The following TYR variants were observed in gnomAD, a reference collection of about 807,000 sequenced individuals.
TYR encodes the protein LB24-AB.
TYR carries 58 observed loss-of-function variants against 51.5 expected under a neutral mutation model. The observed-to-expected ratio is 1.13, with a 90% CI of 0.91 to 1.40. TYR has a LOEUF of 1.40. Ranked by LOEUF, TYR falls within the 40% of genes most tolerant of loss-of-function variation. The pLI, the probability that TYR is intolerant of heterozygous loss-of-function variation, is 0.00. For missense variants in TYR, 732 were observed against 647.4 expected, an observed-to-expected ratio of 1.13 and a Z score of -1.42; for synonymous variants, 263 against 235.2, an observed-to-expected ratio of 1.12 and a Z score of -1.08.
Position 89,295,176 on chromosome 11 carries a change from A to G in TYR, c.1400A>G (p.Tyr467Cys), listed in dbSNP as rs531818861. ...TCTTTTCAAGACTACATTAAGTCCT[A>G]TTTGGAACAAGCGAGTCGGATCTGG... ...PDSFQDYIKS[Y>C]LEQASRIWSW... Residue 467 changes from tyrosine to cysteine, a missense_variant, in exon 5 of 5, where the codon TAT (tyrosine) becomes TGT (cysteine). By Grantham distance (194) the Tyr-to-Cys change is radical. Transcript: ENST00000263321. 30 of 1,613,994 alleles carry G rather than the reference A, an allele frequency of 1.9e-5. No individual in the cohort carries two copies. The Admixed American group carries it at 4.3e-4, about 23-fold the overall frequency.
At chr11:89,281,577 C>T (rs138449499) in intron 3 of TYR, among the ~76,000 whole-genome samples, 3,602 of 151,832 alleles carry the variant, frequency 0.024, 140 homozygotes, top group African/African-American at 0.083. Context: ...CTGCTCCTGC[C>T]CCTGGTAAGC....
chr11:89,262,036 T>G (rs1396105885), intron 3 of TYR, among the ~76,000 whole-genome samples: 2 of 152,074 alleles, frequency 1.3e-5, no homozygotes, highest in Non-Finnish European at 2.9e-5. Flanking sequence ...CCATGGAGAA[T>G]AGCAAAAGTG....
intron 2 of TYR, among the ~76,000 whole-genome samples, chr11:89,202,023 G>A (rs1943604152): frequency 1.3e-5 from 2 of 152,006 alleles, no homozygotes; most frequent in Non-Finnish European, 2.9e-5. Flanking sequence ...TGGTTCAGTA[G>A]GTCTGGCAGT....
At chr11:89,251,438 T>C (rs1944329654) in intron 3 of TYR, among the ~76,000 whole-genome samples, 1 of 151,856 alleles carries the variant, frequency 6.6e-6, no homozygotes. Flanking sequence ...TATCCTAAAG[T>C]AAAGCATGCC....
chr11:89,260,476 G>C (rs992975414), intron 3 of TYR, among the ~76,000 whole-genome samples: 4 of 151,972 alleles, frequency 2.6e-5, no homozygotes, highest in African/African-American at 9.7e-5. Flanking sequence ...CTTCAAATAT[G>C]AAAGAGAAAT....
At chr11:89,214,518 G>A (rs1401938523) in intron 2 of TYR, among the ~76,000 whole-genome samples, 2 of 152,074 alleles carry the variant, frequency 1.3e-5, no homozygotes, top group African/African-American at 4.8e-5. Context: ...TTCACCCAGC[G>A]ATCCCATTAC....
intron 1 of TYR, among the ~76,000 whole-genome samples, chr11:89,186,483 A>G (rs182528965): frequency 7.8e-4 from 118 of 151,838 alleles, no homozygotes; most frequent in Middle Eastern, 3.4e-3. Flanking sequence ...CCTAGTTTCC[A>G]CCTCCTCACC....
In TYR at chr11:89,265,838, C is replaced by CT. The variant is rs976053178; in HGVS notation, c.1185-18929dup. Among the ~76,000 whole-genome samples, 270 of 151,932 alleles carry CT rather than the reference C, an allele frequency of 1.8e-3. 1 individual carries two copies. The highest frequency in any genetic ancestry group is 6.2e-3 in the African/African-American group (256 of 41,462). On this transcript the variant is annotated intron_variant, in intron 3 of 4. Coordinates refer to ENST00000263321, the MANE Select transcript of TYR (RefSeq NM_000372.5). ...GATCGAATGATGCTCAGATCACTAG[C>CT]TTTTTTAAGACATACTTTAGTTTGT...
chr11:89,248,223 G>A (rs1944290061), intron 3 of TYR, among the ~76,000 whole-genome samples: 1 of 151,946 alleles, frequency 6.6e-6, no homozygotes, highest in African/African-American at 2.4e-5. Flanking sequence ...AGATAGACAA[G>A]GAACTTGCTA....
At chr11:89,182,845 G>A (rs1250209616) in intron 1 of TYR, among the ~76,000 whole-genome samples, 6 of 146,872 alleles carry the variant, frequency 4.1e-5, no homozygotes, top group African/African-American at 1.6e-4. Flanking sequence ...ATCAGGAATA[G>A]GTGTCATCAT....
At chr11:89,188,618 G>C (rs1943405736) in intron 1 of TYR, among the ~76,000 whole-genome samples, 1 of 152,020 alleles carries the variant, frequency 6.6e-6, no homozygotes, top group Non-Finnish European at 1.5e-5. Context: ...ATTGAGAAGG[G>C]TTACACACTT....
chr11:89,248,887 C>T (rs964990501), intron 3 of TYR, among the ~76,000 whole-genome samples: 1 of 151,942 alleles, frequency 6.6e-6, no homozygotes, highest in Non-Finnish European at 1.5e-5. Context: ...GTAAAACCAA[C>T]AGGGCTTGTT....
At chr11:89,276,002 T>C (rs1944649732) in intron 3 of TYR, among the ~76,000 whole-genome samples, 2 of 151,908 alleles carry the variant, frequency 1.3e-5, no homozygotes, top group Admixed American at 6.6e-5. Context: ...ATTGCTTTAT[T>C]GCTAACTTTG....
At chr11:89,234,974 T>TA (rs533895496) in intron 3 of TYR, among the ~76,000 whole-genome samples, 3,464 of 135,748 alleles carry the variant, frequency 0.026, 52 homozygotes, top group East Asian at 0.094. Flanking sequence ...CTTCAATTTG[T>TA]AAAAAAAAAA....
chr11:89,238,069 C>A (rs1227211458), intron 3 of TYR, among the ~76,000 whole-genome samples: 1 of 152,036 alleles, frequency 6.6e-6, no homozygotes, highest in Admixed American at 6.6e-5. Context: ...CTCCTGACCT[C>A]AAGTGATCCA....
At chr11:89,250,765 T>C (rs1944323114) in intron 3 of TYR, among the ~76,000 whole-genome samples, 1 of 151,938 alleles carries the variant, frequency 6.6e-6, no homozygotes, top group South Asian at 2.1e-4. Context: ...TAATAAGGTC[T>C]TTAAAAACTT....
intron 1 of TYR, among the ~76,000 whole-genome samples, chr11:89,185,665 C>T (rs2135248136): frequency 6.6e-6 from 1 of 152,236 alleles, no homozygotes; most frequent in South Asian, 2.1e-4. Context: ...CGGAAGCATG[C>T]ACCTGTTGTG....
chr11:89,293,155 A>G (rs1205746103), intron 4 of TYR, among the ~76,000 whole-genome samples: 3 of 152,116 alleles, frequency 2.0e-5, no homozygotes, highest in Non-Finnish European at 2.9e-5. Flanking sequence ...AACTAATTAT[A>G]GAATCATCTG....
At chr11:89,262,861 A>C (rs1478110567) in intron 3 of TYR, among the ~76,000 whole-genome samples, 1 of 145,698 alleles carries the variant, frequency 6.9e-6, no homozygotes, top group Non-Finnish European at 1.5e-5. Context: ...AAAAAAAAAA[A>C]AAAAAAAAAA....
Sources: allele counts gnomAD v4.1 joint callset (sites outside exome capture counted in the v4.1 genomes callset), GRCh38; gene constraint gnomAD v4.1.1; transcripts MANE v1.5; gene names NCBI Gene and HGNC (gene_info 2026-07-23, HGNC 2026-07-21).